OXCT1: variants seen among roughly 807,000 people sequenced by gnomAD.
OXCT1 encodes the protein 3-oxoacid CoA-transferase 1.
A neutral mutation model predicts 69.6 loss-of-function variants in OXCT1; 27 were observed. The ratio of observed to expected loss-of-function variants is 0.39; its 90% CI spans 0.29 to 0.54. The LOEUF is 0.54. Among genes scored for constraint, OXCT1 ranks in the 20% least tolerant of loss-of-function variants. OXCT1 has a pLI of 0.72. For synonymous variants in OXCT1, 202 were observed against 217.8 expected, an observed-to-expected ratio of 0.93 and a Z score of 0.64; for missense variants, 437 against 650.2, an observed-to-expected ratio of 0.67 and a Z score of 3.57.
chr5:41,798,599 G>T (rs1746286951), intron 11 of OXCT1, among the ~76,000 whole-genome samples: 1 of 152,008 alleles, frequency 6.6e-6, no homozygotes, highest in East Asian at 1.9e-4. Flanking sequence ...AGGGGGCCAG[G>T]GATATTAAAC....
At chr5:41,861,205 C>CAT in intron 3 of OXCT1, 109 bp downstream of exon 3, 2 of 777,664 alleles carry the variant, frequency 2.6e-6, no homozygotes, top group Non-Finnish European at 4.6e-6. Flanking sequence ...GATGCTTGGA[C>CAT]ATATTGCTCA....
chr5:41,778,236 A>G (rs907421399), intron 13 of OXCT1, among the ~76,000 whole-genome samples: 13 of 152,236 alleles, frequency 8.5e-5, no homozygotes, highest in Non-Finnish European at 1.9e-4. Context: ...TATTATCTAA[A>G]AATTTTCTAT....
At chr5:41,814,628 A>T (rs1487677615) in intron 7 of OXCT1, among the ~76,000 whole-genome samples, 2 of 151,176 alleles carry the variant, frequency 1.3e-5, no homozygotes, top group East Asian at 3.9e-4. Flanking sequence ...CGCAAGAACA[A>T]AAAACCAAAC....
intron 13 of OXCT1, among the ~76,000 whole-genome samples, chr5:41,782,174 A>G (rs1745436629): frequency 7.1e-6 from 1 of 141,544 alleles, no homozygotes; most frequent in Non-Finnish European, 1.5e-5. Context: ...ATGGTATCTC[A>G]TTCTGGTTTT....
At chr5:41,809,082 G>GGT (rs1554014825) in intron 7 of OXCT1, among the ~76,000 whole-genome samples, 6 of 151,674 alleles carry the variant, frequency 4.0e-5, no homozygotes, top group African/African-American at 1.5e-4. Context: ...AATATTTAAT[G>GGT]ATCTCATAAT....
rs1579801758 is a variant in OXCT1, at chr5:41,817,576, T to A, written c.733-10138A>T. On this transcript the variant is annotated intron_variant, in intron 7 of 16. Coordinates refer to ENST00000196371, the MANE Select transcript of OXCT1 (RefSeq NM_000436.4). ...GTTAAATGCAAAACATGATTTTAGTTCCATGCCACGCAGCATATCTTCAAT... is the reference window on the plus strand; with the variant it reads ...GTTAAATGCAAAACATGATTTTAGTACCATGCCACGCAGCATATCTTCAAT... Among the ~76,000 whole-genome samples the A allele has an allele frequency of 2.6e-5, 4 of 152,342 alleles. No individual in the cohort carries two copies. The South Asian group carries it at 8.3e-4, about 32-fold the overall frequency.
At chr5:41,781,443 T>A (rs1329489304) in intron 13 of OXCT1, among the ~76,000 whole-genome samples, 11 of 152,132 alleles carry the variant, frequency 7.2e-5, no homozygotes, top group Non-Finnish European at 2.9e-5. Flanking sequence ...CTGCTTTTTT[T>A]TTTTTCCCTT....
intron 13 of OXCT1, among the ~76,000 whole-genome samples, chr5:41,786,593 T>A (rs570642908): frequency 6.6e-6 from 1 of 152,336 alleles, no homozygotes; most frequent in East Asian, 1.9e-4. Flanking sequence ...AGTTTATGAA[T>A]TAAAGTCACT....
At chr5:41,827,274 C>T (rs370593545) in intron 7 of OXCT1, among the ~76,000 whole-genome samples, 1 of 152,122 alleles carries the variant, frequency 6.6e-6, no homozygotes, top group South Asian at 2.1e-4. Flanking sequence ...AATAAAGCCT[C>T]GATATTGTCA....
intron 5 of OXCT1, among the ~76,000 whole-genome samples, chr5:41,844,892 AC>A (rs1748818678): frequency 6.7e-6 from 1 of 149,050 alleles, no homozygotes; most frequent in African/African-American, 2.5e-5. Context: ...CTAAATTAAC[AC>A]AACAGCCTCC....
At chr5:41,837,105 A>G (rs999647882) in intron 7 of OXCT1, among the ~76,000 whole-genome samples, 25 of 152,258 alleles carry the variant, frequency 1.6e-4, no homozygotes, top group East Asian at 1.3e-3. Flanking sequence ...TGCCTAAGGG[A>G]ATCTTAGTAC....
intron 14 of OXCT1, among the ~76,000 whole-genome samples, chr5:41,751,582 G>T (rs1312926188): frequency 6.6e-6 from 1 of 152,116 alleles, no homozygotes; most frequent in Non-Finnish European, 1.5e-5. Context: ...TACCTTGAAA[G>T]ATTAGATAAG....
intron 16 of OXCT1, among the ~76,000 whole-genome samples, chr5:41,738,030 G>A (rs1038456901): frequency 6.6e-6 from 1 of 152,038 alleles, no homozygotes; most frequent in Non-Finnish European, 1.5e-5. Context: ...ACTCCAGCCT[G>A]GGCAACAGAA....
At chr5:41,813,775 T>C (rs1170389823) in intron 7 of OXCT1, among the ~76,000 whole-genome samples, 5 of 148,350 alleles carry the variant, frequency 3.4e-5, no homozygotes, top group African/African-American at 1.3e-4. Context: ...AACAAACCAA[T>C]TACCTTTATG....
rs879407845 is a variant in OXCT1 at position 41,780,906 on chromosome 5, A to AT, written c.1248+13096dup. ...CTGACCTTATAGTACTGTCTCCCAC[A>AT]TTTTTTTTTTTTTTTGAGACGGAGT... On this transcript the variant is annotated intron_variant, in intron 13 of 16. Coordinates refer to ENST00000196371, the MANE Select transcript of OXCT1 (RefSeq NM_000436.4). Among the ~76,000 whole-genome samples the AT allele has an allele frequency of 4.6e-3, 650 of 141,504 alleles. 1 individual carries two copies. Among genetic ancestry groups the AT allele is most frequent in the South Asian group, 0.018 (80 of 4,434 alleles). The allele number at this position is 141,504 out of a possible 152,430, so 92.8% of individuals were successfully genotyped here.
intron 13 of OXCT1, among the ~76,000 whole-genome samples, chr5:41,781,611 C>G (rs566098141): frequency 2.0e-5 from 3 of 152,140 alleles, no homozygotes; most frequent in Non-Finnish European, 4.4e-5. Context: ...TCGCTCCCCC[C>G]ATACCCCAAC....
intron 7 of OXCT1, among the ~76,000 whole-genome samples, chr5:41,831,583 C>G (rs185336802): frequency 7.9e-5 from 12 of 152,288 alleles, no homozygotes; most frequent in African/African-American, 2.4e-4. Context: ...TTTCCAGAAC[C>G]TATAAAAATA....
At chr5:41,774,564 A>G (rs1350626486) in intron 13 of OXCT1, among the ~76,000 whole-genome samples, 1 of 152,194 alleles carries the variant, frequency 6.6e-6, no homozygotes, top group Non-Finnish European at 1.5e-5. Context: ...AACCTGAAAG[A>G]GCTCCCAATG....
chr5:41,755,923 A>G (rs1744045314), intron 14 of OXCT1, among the ~76,000 whole-genome samples: 1 of 152,106 alleles, frequency 6.6e-6, no homozygotes, highest in African/African-American at 2.4e-5. Context: ...ACAATTATAA[A>G]TATGTTCTGA....
Sources: allele counts gnomAD v4.1 joint callset (sites outside exome capture counted in the v4.1 genomes callset), GRCh38; gene constraint gnomAD v4.1.1; transcripts MANE v1.5; gene names NCBI Gene and HGNC (gene_info 2026-07-23, HGNC 2026-07-21).